Variants in WWC1 observed in about 807,000 individuals in gnomAD.
The protein encoded by WWC1 is protein KIBRA.
In WWC1, 55 loss-of-function variants were observed where a neutral mutation model predicts 138.4. That is an observed-to-expected ratio of 0.40 (90% CI 0.32 to 0.50). The LOEUF (loss-of-function observed/expected upper bound fraction) is 0.50, where lower values mean the gene tolerates loss of function less well. Among genes scored for constraint, WWC1 ranks in the 20% least tolerant of loss-of-function variants. The pLI, the probability that WWC1 is intolerant of heterozygous loss-of-function variation, is 0.72. For synonymous variants in WWC1, 524 were observed against 564.9 expected, an observed-to-expected ratio of 0.93 and a Z score of 1.03; for missense variants, 1,226 against 1,420.4, an observed-to-expected ratio of 0.86 and a Z score of 2.20.
Position 168,291,959 on chromosome 5 carries a change from G to C in WWC1, c.-194G>C, listed in dbSNP as rs903144731. Reference sequence around the variant, plus strand: ...GGCGGCGGGAGGAGCGGGCGGCGCCGGGTCGGGGCTGCAGGGCCGCATGGA... The same window carrying C: ...GGCGGCGGGAGGAGCGGGCGGCGCCCGGTCGGGGCTGCAGGGCCGCATGGA... On this transcript the variant is annotated 5_prime_UTR_variant, in exon 1 of 23. Coordinates refer to ENST00000265293, the MANE Select transcript of WWC1 (RefSeq NM_015238.3). 1.5e-5 allele frequency: 6 copies of C among 413,420 alleles called. No homozygotes were observed. Among genetic ancestry groups the C allele is most frequent in the African/African-American group, 1.3e-4 (6 of 47,612 alleles). 25.6% of individuals were successfully genotyped at this position (413,420 alleles called of 1,614,324 possible). A position where few individuals can be genotyped will look rare whatever the true frequency, so the allele number is the denominator to read the frequency against.
At chr5:168,414,145 G>T in intron 8 of WWC1, 1 of 646,116 alleles carries the variant, frequency 1.5e-6, no homozygotes, top group East Asian at 3.0e-5. Context: ...CCCCATTCCT[G>T]CAGAGCCTAC....
chr5:168,417,906 G>T (rs112829602), intron 9 of WWC1, among the ~76,000 whole-genome samples: 1 of 152,122 alleles, frequency 6.6e-6, no homozygotes, highest in Non-Finnish European at 1.5e-5. Context: ...CGGGAAAGCC[G>T]CCCCAGCTGT....
At chr5:168,406,412 G>A (rs1337979526) in intron 6 of WWC1, 85 bp downstream of exon 6, 10 of 1,564,432 alleles carry the variant, frequency 6.4e-6, no homozygotes, top group South Asian at 5.8e-5. Flanking sequence ...CTATTTCCAC[G>A]TGGTACACAC....
chr5:168,449,168 G>A (rs1215197101), intron 17 of WWC1, among the ~76,000 whole-genome samples: 1 of 151,792 alleles, frequency 6.6e-6, no homozygotes, highest in South Asian at 2.1e-4. Context: ...TTTCCGCTTT[G>A]CCACTCCAGT....
intron 1 of WWC1, among the ~76,000 whole-genome samples, chr5:168,350,874 G>A (rs1014458266): frequency 2.0e-5 from 3 of 152,146 alleles, no homozygotes; most frequent in Non-Finnish European, 4.4e-5. Context: ...GGCTGGGCGC[G>A]GTGGCTCACG....
chr5:168,305,448 C>T (rs1478778006), intron 1 of WWC1, among the ~76,000 whole-genome samples: 1 of 152,174 alleles, frequency 6.6e-6, no homozygotes, highest in Non-Finnish European at 1.5e-5. Context: ...CATCCTGTGC[C>T]GTAATAGAAT....
intron 1 of WWC1, among the ~76,000 whole-genome samples, chr5:168,336,149 G>A (rs1424600970): frequency 1.5e-4 from 23 of 152,132 alleles, no homozygotes; most frequent in Admixed American, 1.4e-3. Flanking sequence ...GGATATGTGG[G>A]CCCCACAAAA....
rs56223676 is a variant in WWC1, at chr5:168,415,815, CGTGT to C, written c.1184+1259_1184+1262del. 46 of 6,562 alleles carry C rather than the reference CGTGT, an allele frequency of 7.0e-3. 2 individuals are homozygous for C. Among genetic ancestry groups the C allele is most frequent in the East Asian group, 9.6e-3 (1 of 104 alleles). The allele number at this position is 6,562 out of a possible 1,614,324, so 0.4% of individuals were successfully genotyped here. ...TGTGTGTGTGGGGGGGGGGGGGGGGCGTGTGTGTGTGTGTGTGTGTGTGTGTGTG... is the reference window on the plus strand; with the variant it reads ...TGTGTGTGTGGGGGGGGGGGGGGGGCGTGTGTGTGTGTGTGTGTGTGTGTG... On this transcript the variant is annotated intron_variant, in intron 9 of 22. Coordinates refer to ENST00000265293, the MANE Select transcript of WWC1 (RefSeq NM_015238.3).
chr5:168,378,881 A>C (rs2152813796), intron 2 of WWC1, among the ~76,000 whole-genome samples: 1 of 152,324 alleles, frequency 6.6e-6, no homozygotes, highest in Middle Eastern at 3.4e-3. Flanking sequence ...TGTTGTTGCT[A>C]AGGCCCTTGG....
rs1212642412 is a variant in WWC1, at chr5:168,409,821, A to G, written c.868-101A>G. 2.5e-6 allele frequency: 3 copies of G among 1,223,876 alleles called. No individual in the cohort carries two copies. The African/African-American group carries it at 4.5e-5, about 18-fold the overall frequency. The allele number at this position is 1,223,876 out of a possible 1,614,324, so 75.8% of individuals were successfully genotyped here. A position where few individuals can be genotyped will look rare whatever the true frequency, so the allele number is the denominator to read the frequency against. ...CAGTCACCGGGGGCTATTCTTGGCT[A>G]CTGCCCACGCAAGCTGTCAAGTCTC... On this transcript the variant is annotated intron_variant, in intron 7 of 22. Transcript: ENST00000265293.
chr5:168,386,198 C>T (rs1013697593), intron 3 of WWC1, among the ~76,000 whole-genome samples: 9 of 152,018 alleles, frequency 5.9e-5, no homozygotes, highest in Non-Finnish European at 1.2e-4. Context: ...GCCTCTCTTC[C>T]TCAACTCTAG....
Position 168,423,149 on chromosome 5 carries a change from C to CAAAAAAAAA in WWC1, c.1275-369_1275-361dup, listed in dbSNP as rs773855632. On this transcript the variant is annotated intron_variant, in intron 10 of 22. Coordinates refer to ENST00000265293, the MANE Select transcript of WWC1 (RefSeq NM_015238.3). ...GACAGAGCAAGACTCCATCCCCCCC[C>CAAAAAAAAA]AAAAAAAAAAAAAAAAAAAAAAACA... Among the ~76,000 whole-genome samples the CAAAAAAAAA allele has an allele frequency of 6.7e-4, 48 of 71,234 alleles. 1 individual carries two copies. Among genetic ancestry groups the CAAAAAAAAA allele is most frequent in the East Asian group, 8.7e-4 (2 of 2,308 alleles). The allele number at this position is 71,234 out of a possible 152,430, so 46.7% of individuals were successfully genotyped here.
At chr5:168,459,178 C>G (rs1210144443) in intron 19 of WWC1, among the ~76,000 whole-genome samples, 1 of 147,914 alleles carries the variant, frequency 6.8e-6, no homozygotes, top group Non-Finnish European at 1.5e-5. Flanking sequence ...CACTTGAGCC[C>G]GAGAAGTCAA....
rs772086660 is a variant in WWC1 at position 168,399,526 on chromosome 5, C to G, written c.549C>G (p.His183Gln). 1.2e-6 allele frequency: 2 copies of G among 1,614,182 alleles called. No individual in the cohort carries two copies. Among genetic ancestry groups the G allele is most frequent in the Non-Finnish European group, 1.7e-6 (2 of 1,180,038 alleles). ...KLKREMVHLQHELQFKERGFQ... is the reference protein window; with the variant it reads ...KLKREMVHLQQELQFKERGFQ... ...AGAGAGAGATGGTTCACCTCCAGCACGAGCTGCAGTTCAAAGAGCGTGGCT... is the reference window on the plus strand; with the variant it reads ...AGAGAGAGATGGTTCACCTCCAGCAGGAGCTGCAGTTCAAAGAGCGTGGCT... The change falls in exon 5 of 23, where the codon CAC (histidine) becomes CAG (glutamine). Residue 183 changes from histidine to glutamine, a missense_variant. By Grantham distance (24) the His-to-Gln change is conservative. Transcript: ENST00000265293.
At chr5:168,370,099 A>G (rs1282143080) in intron 1 of WWC1, among the ~76,000 whole-genome samples, 1 of 151,558 alleles carries the variant, frequency 6.6e-6, no homozygotes, top group Admixed American at 6.6e-5. Flanking sequence ...GAGTTTCACC[A>G]CATTGAGCAG....
intron 1 of WWC1, among the ~76,000 whole-genome samples, chr5:168,293,946 T>C (rs1334823060): frequency 6.6e-6 from 1 of 152,206 alleles, no homozygotes; most frequent in Non-Finnish European, 1.5e-5. Context: ...TCTGCTACTG[T>C]GTTGGTGAAC....
At chr5:168,361,157 C>G (rs1050645065) in intron 1 of WWC1, among the ~76,000 whole-genome samples, 1 of 152,138 alleles carries the variant, frequency 6.6e-6, no homozygotes, top group Non-Finnish European at 1.5e-5. Context: ...AACTGAGGCT[C>G]AGACCTGGGG....
chr5:168,428,543 GC>G (rs1157539213), intron 12 of WWC1, among the ~76,000 whole-genome samples, 163 bp from the exon 13 acceptor site: 2 of 152,002 alleles, frequency 1.3e-5, no homozygotes, highest in Non-Finnish European at 1.5e-5. Context: ...AACATAGTGA[GC>G]CCCCATCTCT....
At position 168,424,040 on chromosome 5, in the gene WWC1, A is replaced by G; in HGVS notation, c.1782A>G (p.Pro594=). The change falls in exon 11 of 23, where the codon CCA becomes CCG. Residue 594 remains proline, a synonymous_variant. Transcript: ENST00000265293. The part of the protein sequence containing the change: ...SAQERYRLEE[P]GTEGKQLGQA... Reference sequence around the variant, plus strand: ...AGGAAAGATACCGGCTGGAGGAACCAGGAACGGAGGGCAAGCAGCTGGGCC... The same window carrying G: ...AGGAAAGATACCGGCTGGAGGAACCGGGAACGGAGGGCAAGCAGCTGGGCC... The G allele has an allele frequency of 6.2e-7, 1 of 1,608,078 alleles. No individual in the cohort carries two copies. Among genetic ancestry groups the G allele is most frequent in the Non-Finnish European group, 8.5e-7 (1 of 1,176,962 alleles).
Sources: allele counts gnomAD v4.1 joint callset (sites outside exome capture counted in the v4.1 genomes callset), GRCh38; gene constraint gnomAD v4.1.1; transcripts MANE v1.5; gene names NCBI Gene and HGNC (gene_info 2026-07-23, HGNC 2026-07-21).